The following DOCK2 variants were observed in gnomAD, a reference collection of about 807,000 sequenced individuals.
DOCK2 encodes the protein dedicator of cytokinesis protein 2.
DOCK2 carries 87 observed loss-of-function variants against 248.9 expected under a neutral mutation model. The ratio of observed to expected loss-of-function variants is 0.35; its 90% CI spans 0.29 to 0.42. DOCK2 has a LOEUF of 0.42. Among genes scored for constraint, DOCK2 ranks in the 10% least tolerant of loss-of-function variants. The pLI is 1.00. For missense variants in DOCK2, 1,747 were observed against 2,300.2 expected (o/e 0.76, Z 4.92); for synonymous variants, 805 against 821.6 (o/e 0.98, Z 0.35).
intron 27 of DOCK2, among the ~76,000 whole-genome samples, chr5:169,842,558 A>G (rs1489614012): frequency 6.6e-6 from 1 of 151,998 alleles, no homozygotes; most frequent in African/African-American, 2.4e-5. Flanking sequence ...GGGTTTTACT[A>G]CATGTTGACC....
chr5:169,684,571 G>A (rs1759847395), intron 8 of DOCK2, among the ~76,000 whole-genome samples: 1 of 152,224 alleles, frequency 6.6e-6, no homozygotes, highest in African/African-American at 2.4e-5. Context: ...GTAGGGTTTT[G>A]TAAAATAGAT....
intron 32 of DOCK2, among the ~76,000 whole-genome samples, chr5:170,012,285 G>A (rs1447867190): frequency 6.8e-6 from 1 of 147,554 alleles, no homozygotes; most frequent in Non-Finnish European, 1.5e-5. Flanking sequence ...AACGATCTAC[G>A]TTTTTTCAAA....
chr5:169,980,031 C>T (rs1777885754), intron 27 of DOCK2, among the ~76,000 whole-genome samples: 1 of 151,930 alleles, frequency 6.6e-6, no homozygotes, highest in Admixed American at 6.6e-5. Flanking sequence ...GCTTTTTTTC[C>T]CCCTTCAAAT....
chr5:170,057,129 C>T (rs970993363), intron 43 of DOCK2: 1 of 347,278 alleles, frequency 2.9e-6, no homozygotes, highest in East Asian at 7.3e-5. Flanking sequence ...ATCACTGTCC[C>T]CTGAGTGCTA....
At chr5:169,860,689 A>T (rs1488625883) in intron 27 of DOCK2, among the ~76,000 whole-genome samples, 1 of 152,190 alleles carries the variant, frequency 6.6e-6, no homozygotes, top group Non-Finnish European at 1.5e-5. Flanking sequence ...AGGCAGGAAA[A>T]GGAATACTGA....
At chr5:169,680,033 G>A (rs1035502575) in intron 6 of DOCK2, among the ~76,000 whole-genome samples, 1 of 152,144 alleles carries the variant, frequency 6.6e-6, no homozygotes, top group Admixed American at 6.6e-5. Context: ...TGCAAAAGCA[G>A]TTTCAAGTTC....
chr5:169,864,459 A>G lies in DOCK2; in HGVS notation c.2799+23607A>G, dbSNP rs1449991385. 18 of 1,526,132 alleles carry G rather than the reference A, an allele frequency of 1.2e-5. No homozygotes were observed. In the East Asian group the frequency reaches 3.7e-4, roughly 31 times the overall value. The allele number at this position is 1,526,132 out of a possible 1,614,324, so 94.5% of individuals were successfully genotyped here. A position where few individuals can be genotyped will look rare whatever the true frequency, so the allele number is the denominator to read the frequency against. On this transcript the variant is annotated intron_variant, in intron 27 of 51. Transcript: ENST00000520908. ...CCTGCTGCCGAAAATCATACTCTAC[A>G]CTGAAAAACACAGAGAGGAAGGAAG...
intron 27 of DOCK2, among the ~76,000 whole-genome samples, chr5:169,869,463 A>G (rs375689718): frequency 4.6e-5 from 7 of 152,270 alleles, no homozygotes; most frequent in Non-Finnish European, 7.3e-5. Flanking sequence ...ATTTATTAAC[A>G]TAAAGGAAAA....
intron 27 of DOCK2, among the ~76,000 whole-genome samples, chr5:169,858,742 C>T (rs867919381): frequency 2.0e-5 from 3 of 152,258 alleles, no homozygotes; most frequent in Middle Eastern, 3.4e-3. Flanking sequence ...GTGTCGTGCA[C>T]CTGTAATCCC....
intron 29 of DOCK2, among the ~76,000 whole-genome samples, chr5:169,990,331 T>C (rs1778173768): frequency 6.6e-6 from 1 of 152,276 alleles, no homozygotes; most frequent in South Asian, 2.1e-4. Flanking sequence ...ACTCCTGACC[T>C]CTGGTGACTC....
chr5:170,004,816 A>G (rs1016548849), intron 30 of DOCK2, among the ~76,000 whole-genome samples: 1 of 149,072 alleles, frequency 6.7e-6, no homozygotes, highest in African/African-American at 2.5e-5. Context: ...CTATCGCAAG[A>G]ACAAAAAACC....
In DOCK2 at chr5:170,083,228, A is replaced by G. The variant is rs756412748; in HGVS notation, c.*370A>G. On this transcript the variant is annotated 3_prime_UTR_variant, in exon 52 of 52. Transcript: ENST00000520908. ...AAGTCTCAGAACTTAACAGAAAAGGAAGCCTTTTAAATATTCTTTTTAATT... is the reference window on the plus strand; with the variant it reads ...AAGTCTCAGAACTTAACAGAAAAGGGAGCCTTTTAAATATTCTTTTTAATT... 3.3e-5 allele frequency: 6 copies of G among 182,836 alleles called. No homozygotes were observed. Among genetic ancestry groups the G allele is most frequent in the Non-Finnish European group, 3.4e-5 (3 of 88,606 alleles). The allele number at this position is 182,836 out of a possible 1,614,324, so 11.3% of individuals were successfully genotyped here. A position where few individuals can be genotyped will look rare whatever the true frequency, so the allele number is the denominator to read the frequency against.
intron 27 of DOCK2, among the ~76,000 whole-genome samples, chr5:169,848,183 C>A (rs1309885941): frequency 2.0e-5 from 3 of 152,186 alleles, no homozygotes; most frequent in Non-Finnish European, 4.4e-5. Flanking sequence ...AAAAGTTTGA[C>A]TCAAAATGCC....
At chr5:169,868,594 A>G (rs1404696486) in intron 27 of DOCK2, among the ~76,000 whole-genome samples, 2 of 152,170 alleles carry the variant, frequency 1.3e-5, no homozygotes, top group Non-Finnish European at 1.5e-5. Context: ...CACCATCTCT[A>G]CAAAAAGTAA....
Position 169,702,541 on chromosome 5 carries a change from A to G in DOCK2, c.1383+114A>G, listed in dbSNP as rs939459465. On this transcript the variant is annotated intron_variant, in intron 14 of 51. Coordinates refer to ENST00000520908, the MANE Select transcript of DOCK2 (RefSeq NM_004946.3). Reference sequence around the variant, plus strand: ...TGTCTAAATGCCAGGTGCCTTTGGGATGGTGTTGAATAATGTGTTCAACAC... The same window carrying G: ...TGTCTAAATGCCAGGTGCCTTTGGGGTGGTGTTGAATAATGTGTTCAACAC... 74 of 1,493,786 alleles carry G rather than the reference A, an allele frequency of 5.0e-5. No individual in the cohort carries two copies. The Middle Eastern group carries it at 1.2e-3, about 25-fold the overall frequency. 92.5% of individuals were successfully genotyped at this position (1,493,786 alleles called of 1,614,324 possible).
rs185005312 is a variant in DOCK2 at position 169,742,176 on chromosome 5, T to C, written c.2268-5220T>C. ...CATGTAGTAAGTGCTCAGTAAATGG[T>C]AGTTGTCTTTATGAAAATGCTGATT... is the stretch of plus-strand genomic sequence containing the variant. On this transcript the variant is annotated intron_variant, in intron 22 of 51. Coordinates refer to ENST00000520908, the MANE Select transcript of DOCK2 (RefSeq NM_004946.3). Among the ~76,000 whole-genome samples, 17 of 152,226 alleles carry C rather than the reference T, an allele frequency of 1.1e-4. No individual in the cohort carries two copies. The East Asian group carries it at 3.3e-3, about 29-fold the overall frequency.
chr5:169,934,541 T>G, intron 27 of DOCK2: 1 of 427,574 alleles, frequency 2.3e-6, no homozygotes, highest in Non-Finnish European at 4.7e-6. Flanking sequence ...AGCCTAATTG[T>G]ATGCGCTACA....
chr5:169,717,482 CAAGT>C lies in DOCK2; in HGVS notation c.2132+5_2132+8del. ...AGCATTTCAGTGCGACCTTGGCTTA[CAAGT>C]AAGTAATTGTGCACATGGGAACTTC... On this transcript the variant is annotated splice_donor_variant and coding_sequence_variant, in exon 21 of 52. Transcript: ENST00000520908. LOFTEE classifies it high-confidence loss of function. 1 of 1,613,632 alleles carries C rather than the reference CAAGT, an allele frequency of 6.2e-7. No homozygotes were observed. Among genetic ancestry groups the C allele is most frequent in the Non-Finnish European group, 8.5e-7 (1 of 1,179,626 alleles).
intron 22 of DOCK2, among the ~76,000 whole-genome samples, chr5:169,723,598 C>T (rs1030227212): frequency 1.3e-5 from 2 of 152,174 alleles, no homozygotes; most frequent in African/African-American, 4.8e-5. Context: ...TTTGTGCCAA[C>T]CACACTGGAC....
Sources: gnomAD v4.1 joint callset for allele counts (sites outside exome capture counted in the v4.1 genomes callset) on GRCh38, gnomAD v4.1.1 for gene constraint, MANE v1.5 for transcripts, NCBI Gene and HGNC (gene_info 2026-07-23, HGNC 2026-07-21) for gene names.